The following ATP2B2 variants were observed in gnomAD, a reference collection of about 807,000 sequenced individuals.
ATP2B2 encodes plasma membrane calcium-transporting ATPase 2.
Under a neutral mutation model 120.0 loss-of-function variants are expected in ATP2B2, and 15 were observed. The ratio of observed to expected loss-of-function variants is 0.12; its 90% CI spans 0.08 to 0.19. The LOEUF is 0.19. Among genes scored for constraint, ATP2B2 ranks in the 10% least tolerant of loss-of-function variants. The pLI is 1.00. For synonymous variants in ATP2B2, 694 were observed against 700.3 expected (o/e 0.99, Z 0.14); for missense variants, 1,045 against 1,719.8 (o/e 0.61, Z 6.94).
Position 10,410,639 on chromosome 3 carries a change from G to A in ATP2B2, c.376C>T (p.Pro126Ser), listed in dbSNP as rs1405158756. The A allele has an allele frequency of 7.5e-6, 12 of 1,608,300 alleles. No individual in the cohort carries two copies. The highest frequency in any genetic ancestry group is 8.5e-6 in the Non-Finnish European group (10 of 1,175,528). Residue 126 changes from proline to serine, a missense_variant, in exon 3 of 23, where the codon CCG becomes TCG. Coordinates refer to ENST00000360273, the MANE Select transcript of ATP2B2 (RefSeq NM_001001331.4). ...TTACCTTCGTTGCCCTCGCCGGGCG[G>A]GTGGTAGAAGGACAGCCCCAGGGAG... ...IISLGLSFYH[P>S]PGEGNEGCAT...
chr3:10,464,244 C>T (rs1016286672), intron 1 of ATP2B2, among the ~76,000 whole-genome samples: 1 of 152,106 alleles, frequency 6.6e-6, no homozygotes, highest in Non-Finnish European at 1.5e-5. Context: ...GCCGAGTCCT[C>T]GCGACAGAAG....
At chr3:10,337,953 C>A (rs2060169825) in intron 22 of ATP2B2, among the ~76,000 whole-genome samples, 3 of 152,190 alleles carry the variant, frequency 2.0e-5, no homozygotes, top group African/African-American at 7.2e-5. Context: ...CCCCGTGCTG[C>A]CCTGAGAGGG....
rs562701860 is a variant in ATP2B2 at position 10,328,400 on chromosome 3, C to T, written c.*414G>A. ...CAGAAAAGAGTCTGTTTGCAGTTCC[C>T]GCCTAAGAAAACAAACAAACAAACA... On this transcript the variant is annotated 3_prime_UTR_variant, in exon 23 of 23. Transcript: ENST00000360273. 2.4e-4 allele frequency: 46 copies of T among 188,392 alleles called. No homozygotes were observed. Among genetic ancestry groups the T allele is most frequent in the African/African-American group, 9.0e-4 (38 of 42,324 alleles). The allele number at this position is 188,392 out of a possible 1,614,324, so 11.7% of individuals were successfully genotyped here.
At chr3:10,382,099 C>T (rs1390559731) in intron 8 of ATP2B2, among the ~76,000 whole-genome samples, 1 of 151,818 alleles carries the variant, frequency 6.6e-6, no homozygotes, top group Non-Finnish European at 1.5e-5. Flanking sequence ...GATCTTGGTT[C>T]ACTGCAACGT....
rs770163549 is a variant in ATP2B2 at position 10,372,016 on chromosome 3, C to T, written c.1452G>A (p.Leu484=). The change falls in exon 12 of 23, where the codon CTG becomes CTA. Residue 484 remains leucine (L), a synonymous_variant. Coordinates refer to ENST00000360273, the MANE Select transcript of ATP2B2 (RefSeq NM_001001331.4). ...MMKDNNLVRH[L]DACETMGNAT... ...CATTGCCCATGGTCTCACAGGCATC[C>T]AGGTGGCGTACCAGGTTGTTGTCCT... 6.2e-7 allele frequency: 1 copy of T among 1,614,198 alleles called. No individual in the cohort carries two copies. Among genetic ancestry groups the T allele is most frequent in the South Asian group, 1.1e-5 (1 of 91,066 alleles).
At chr3:10,503,370 C>T (rs1026631205) in intron 1 of ATP2B2, among the ~76,000 whole-genome samples, 1 of 152,240 alleles carries the variant, frequency 6.6e-6, no homozygotes, top group Non-Finnish European at 1.5e-5. Context: ...GTCTCCTTTC[C>T]AACTTTGGGC....
intron 1 of ATP2B2, among the ~76,000 whole-genome samples, chr3:10,486,681 T>C (rs2065687502): frequency 6.6e-6 from 1 of 152,110 alleles, no homozygotes. Flanking sequence ...ACTAATTTTC[T>C]TTATAATAAT....
At chr3:10,611,587 T>C (rs2069239994) in intron 2 of ATP2B2, among the ~76,000 whole-genome samples, 1 of 152,170 alleles carries the variant, frequency 6.6e-6, no homozygotes, top group African/African-American at 2.4e-5. Context: ...GTCCCTCTTT[T>C]GAGCGACTCA....
intron 5 of ATP2B2, among the ~76,000 whole-genome samples, chr3:10,394,064 A>G (rs920528219): frequency 1.3e-5 from 2 of 152,032 alleles, no homozygotes; most frequent in African/African-American, 4.8e-5. Flanking sequence ...AGGGTGTAGG[A>G]CAGTAGGGGC....
intron 5 of ATP2B2, among the ~76,000 whole-genome samples, chr3:10,389,831 C>T (rs527682378): frequency 9.9e-5 from 15 of 152,256 alleles, no homozygotes; most frequent in African/African-American, 3.6e-4. Context: ...CATGGCCTCA[C>T]TGGGGAAGCA....
At chr3:10,576,696 A>G (rs1325777087) in intron 2 of ATP2B2, among the ~76,000 whole-genome samples, 2 of 152,042 alleles carry the variant, frequency 1.3e-5, no homozygotes, top group Non-Finnish European at 2.9e-5. Flanking sequence ...GATTATTTAA[A>G]GGTCCAGAGT....
intron 1 of ATP2B2, among the ~76,000 whole-genome samples, chr3:10,678,565 C>T (rs1025493530): frequency 1.3e-5 from 2 of 152,144 alleles, no homozygotes; most frequent in African/African-American, 2.4e-5. Flanking sequence ...GGCCTGGGAG[C>T]ATGGAAGGCT....
At chr3:10,526,950 C>T (rs1195580498) in intron 3 of ATP2B2, among the ~76,000 whole-genome samples, 1 of 152,172 alleles carries the variant, frequency 6.6e-6, no homozygotes, top group Admixed American at 6.5e-5. Flanking sequence ...GTAATTTCAT[C>T]CTTATACATA....
intron 10 of ATP2B2, among the ~76,000 whole-genome samples, chr3:10,377,440 G>C (rs1034623884): frequency 6.6e-5 from 10 of 152,346 alleles, no homozygotes; most frequent in African/African-American, 2.4e-4. Flanking sequence ...TCTATAATTA[G>C]AGCTGGGGAG....
At chr3:10,639,479 G>C (rs898289141) in intron 1 of ATP2B2, among the ~76,000 whole-genome samples, 3 of 152,160 alleles carry the variant, frequency 2.0e-5, no homozygotes, top group Non-Finnish European at 2.9e-5. Flanking sequence ...AGACTGGCTG[G>C]TTCTCTGGAG....
chr3:10,328,601 C>T lies in ATP2B2; in HGVS notation c.*213G>A. The T allele has an allele frequency of 1.7e-6, 1 of 594,040 alleles. No homozygotes were observed. Among genetic ancestry groups the T allele is most frequent in the South Asian group, 2.2e-5 (1 of 44,908 alleles). 36.8% of individuals were successfully genotyped at this position (594,040 alleles called of 1,614,324 possible). A position where few individuals can be genotyped will look rare whatever the true frequency, so the allele number is the denominator to read the frequency against. On this transcript the variant is annotated 3_prime_UTR_variant, in exon 23 of 23. Transcript: ENST00000360273. ...CTCCCGTAAGCCCCCAGTGGAGATC[C>T]CGCCCCTTGCCTTGAAGTGAAAAAG... is the stretch of plus-strand genomic sequence containing the variant.
At chr3:10,531,326 G>T (rs937287401) in intron 3 of ATP2B2, among the ~76,000 whole-genome samples, 9 of 152,316 alleles carry the variant, frequency 5.9e-5, no homozygotes, top group African/African-American at 2.2e-4. Context: ...TCAGAGTGCT[G>T]GTTCCCAGCA....
chr3:10,573,823 T>A (rs552147458), intron 2 of ATP2B2, among the ~76,000 whole-genome samples: 137 of 152,242 alleles, frequency 9.0e-4, no homozygotes, highest in African/African-American at 2.8e-3. Context: ...ACTAAACTCA[T>A]CTAAAAAGAA....
chr3:10,665,682 C>G (rs1195557692), intron 1 of ATP2B2, among the ~76,000 whole-genome samples: 1 of 152,202 alleles, frequency 6.6e-6, no homozygotes, highest in African/African-American at 2.4e-5. Flanking sequence ...GAGGGCATGC[C>G]AAATCTCAAT....
Sources: allele counts gnomAD v4.1 joint callset (sites outside exome capture counted in the v4.1 genomes callset), GRCh38; gene constraint gnomAD v4.1.1; transcripts MANE v1.5; gene names NCBI Gene and HGNC (gene_info 2026-07-23, HGNC 2026-07-21).